BCAS3: variants seen among roughly 807,000 people sequenced by gnomAD.
The protein encoded by BCAS3 is BCAS4/BCAS3 fusion.
In BCAS3, 53 loss-of-function variants were observed where a neutral mutation model predicts 116.1. The ratio of observed to expected loss-of-function variants is 0.46; its 90% CI spans 0.37 to 0.57. The LOEUF (loss-of-function observed/expected upper bound fraction) is 0.57. Among genes scored for constraint, BCAS3 ranks in the 20% least tolerant of loss-of-function variants. The pLI is 0.00. For synonymous variants in BCAS3, 391 were observed against 408.2 expected (o/e 0.96, Z 0.51); for missense variants, 917 against 1,165.4 (o/e 0.79, Z 3.10).
At chr17:60,843,849 C>T (rs1437065414) in intron 7 of BCAS3, among the ~76,000 whole-genome samples, 1 of 152,060 alleles carries the variant, frequency 6.6e-6, no homozygotes, top group Non-Finnish European at 1.5e-5. Context: ...ATTTATTTTA[C>T]TCATTTATGT....
intron 4 of BCAS3, among the ~76,000 whole-genome samples, chr17:60,690,794 C>T (rs900942894): frequency 1.3e-5 from 2 of 151,426 alleles, no homozygotes; most frequent in Admixed American, 6.6e-5. Flanking sequence ...GTGGCACACT[C>T]CTGCAGCCCT....
rs1350411135 is a variant in BCAS3 at position 61,161,536 on chromosome 17, T to C, written c.2425+76972T>C. ...GGTTTAAGCAATATTTGATTGATCA[T>C]GTGATTCTATCAGTATCTTTTTTTT... On this transcript the variant is annotated intron_variant, in intron 22 of 23. Coordinates refer to ENST00000407086, the MANE Select transcript of BCAS3 (RefSeq NM_017679.5). This position sits in a 1 kb window ranked among gnomAD's most constrained non-coding sequence, Gnocchi z 4.8. Among the ~76,000 whole-genome samples, 1 of 152,248 alleles carries C rather than the reference T, an allele frequency of 6.6e-6. No homozygotes were observed. Among genetic ancestry groups the C allele is most frequent in the African/African-American group, 2.4e-5 (1 of 41,472 alleles).
chr17:61,352,633 C>T lies in BCAS3; in HGVS notation c.2426-15694C>T, dbSNP rs977994543. On this transcript the variant is annotated intron_variant, in intron 22 of 23. Transcript: ENST00000407086. This position sits in a 1 kb window ranked among gnomAD's most constrained non-coding sequence, Gnocchi z 4.7. ...GCGCCACACTTGGCACACAATGAGT[C>T]TGTGAGTTGAGGGGAAATCACAACC... 2.6e-5 allele frequency among the ~76,000 whole-genome samples: 4 copies of T among 152,176 alleles called. No homozygotes were observed. Among genetic ancestry groups the T allele is most frequent in the Middle Eastern group, 3.2e-3 (1 of 316 alleles).
At chr17:60,876,506 C>A (rs1385978104) in intron 9 of BCAS3, among the ~76,000 whole-genome samples, 1 of 152,074 alleles carries the variant, frequency 6.6e-6, no homozygotes, top group Non-Finnish European at 1.5e-5. Context: ...GATAACATTT[C>A]CCACTGTCTG....
Position 61,105,948 on chromosome 17 carries a change from C to T in BCAS3, c.2425+21384C>T, listed in dbSNP as rs140730824. Among the ~76,000 whole-genome samples, 1 of 152,152 alleles carries T rather than the reference C, an allele frequency of 6.6e-6. No individual in the cohort carries two copies. The highest frequency in any genetic ancestry group is 1.5e-5 in the Non-Finnish European group (1 of 68,042). The stretch of plus-strand genomic sequence containing the variant: ...GCCTTTCTGAGTAGCCTGGTGAAAT[C>T]TTACAGCATCCCTCCCAGACCGTGA... On this transcript the variant is annotated intron_variant, in intron 22 of 23. Transcript: ENST00000407086. This position sits in a 1 kb window ranked among gnomAD's most constrained non-coding sequence, Gnocchi z 4.3.
intron 14 of BCAS3, among the ~76,000 whole-genome samples, chr17:60,957,938 C>T (rs747473989): frequency 3.3e-5 from 5 of 152,132 alleles, no homozygotes; most frequent in Admixed American, 2.0e-4. Context: ...CTGGATTAAC[C>T]CTCCTACCTG....
Position 61,363,435 on chromosome 17 carries a change from C to A in BCAS3, c.2426-4892C>A, listed in dbSNP as rs554026789. 6.6e-6 allele frequency among the ~76,000 whole-genome samples: 1 copy of A among 152,026 alleles called. No individual in the cohort carries two copies. Among genetic ancestry groups the A allele is most frequent in the Non-Finnish European group, 1.5e-5 (1 of 68,014 alleles). ...GCAAGAATCCCCAGGAGATAGCCTG[C>A]GAAGACTGTTGCACTTACAACCAGA... is the stretch of plus-strand genomic sequence containing the variant. On this transcript the variant is annotated intron_variant, in intron 22 of 23. Transcript: ENST00000407086. The surrounding 1 kb of genome is among the most constrained non-coding windows in gnomAD (Gnocchi z 4.9).
At position 61,337,725 on chromosome 17, in the gene BCAS3, T is replaced by C. The variant is rs2056836421; in HGVS notation, c.2426-30602T>C. 2.6e-5 allele frequency among the ~76,000 whole-genome samples: 4 copies of C among 152,144 alleles called. No individual in the cohort carries two copies. In the South Asian group the frequency reaches 8.3e-4, roughly 31 times the overall value. On this transcript the variant is annotated intron_variant, in intron 22 of 23. Coordinates refer to ENST00000407086, the MANE Select transcript of BCAS3 (RefSeq NM_017679.5). The surrounding 1 kb of genome is among the most constrained non-coding windows in gnomAD (Gnocchi z 4.8). ...CCCTTAAAGGTCGTTTCTGATCTAC[T>C]CCCTCTCCTCTAGCCTTAAAGTGTC...
At chr17:60,859,970 A>G (rs1223976228) in intron 7 of BCAS3, among the ~76,000 whole-genome samples, 1 of 152,168 alleles carries the variant, frequency 6.6e-6, no homozygotes, top group African/African-American at 2.4e-5. Context: ...ATAGGAGTGC[A>G]TGTGTCTTTA....
chr17:60,900,198 A>AAAG lies in BCAS3; in HGVS notation c.739-2420_739-2419insGAA, dbSNP rs1555603093. ...AGACGCTGTCTCTTAAAAAAAAAAA[A>AAAG]AAAGAAAGAAAGAAAAGAAAAAGAA... is the stretch of plus-strand genomic sequence containing the variant. On this transcript the variant is annotated intron_variant, in intron 10 of 23. Transcript: ENST00000407086. 241 of 148,562 alleles carry AAAG rather than the reference A, an allele frequency of 1.6e-3. 2 individuals carry two copies. Among genetic ancestry groups the AAAG allele is most frequent in the African/African-American group, 5.3e-3 (207 of 38,750 alleles). The allele number at this position is 148,562 out of a possible 1,614,324, so 9.2% of individuals were successfully genotyped here.
chr17:60,727,457 C>T lies in BCAS3; in HGVS notation c.321+18132C>T. 2.6e-6 allele frequency: 4 copies of T among 1,562,992 alleles called. No homozygotes were observed. The South Asian group carries it at 3.6e-5, about 14-fold the overall frequency. On this transcript the variant is annotated intron_variant, in intron 5 of 23. Coordinates refer to ENST00000407086, the MANE Select transcript of BCAS3 (RefSeq NM_017679.5). ...CTTGCCACACTTCTTACAGAAGGTT[C>T]TTCGGGTTTTAGGTACGTTGACCAT...
intron 6 of BCAS3, among the ~76,000 whole-genome samples, chr17:60,764,451 T>G (rs1050620240): frequency 1.7e-4 from 26 of 152,280 alleles, no homozygotes; most frequent in African/African-American, 5.8e-4. Context: ...ATTTAGTTAT[T>G]TACCCAGTAG....
intron 22 of BCAS3, among the ~76,000 whole-genome samples, chr17:61,250,426 G>T (rs745582707): frequency 6.6e-6 from 1 of 152,200 alleles, no homozygotes; most frequent in African/African-American, 2.4e-5. Flanking sequence ...AGGACCCAGA[G>T]AAGGCTTGTT....
intron 21 of BCAS3, among the ~76,000 whole-genome samples, chr17:61,078,731 T>C (rs1184109990): frequency 6.6e-6 from 1 of 152,252 alleles, no homozygotes; most frequent in Non-Finnish European, 1.5e-5. Context: ...AATAAATACT[T>C]GCTTTTCAGA....
chr17:60,838,102 A>G (rs1325256543), intron 7 of BCAS3, among the ~76,000 whole-genome samples: 1 of 152,190 alleles, frequency 6.6e-6, no homozygotes, highest in African/African-American at 2.4e-5. Context: ...CAAATTGATC[A>G]CAGAATTGAT....
chr17:61,180,388 A>C lies in BCAS3; in HGVS notation c.2425+95824A>C, dbSNP rs2079409431. ...ACTATTCAGCCAACAAGCTGTAATA[A>C]ATAAACTCTAAGCCAATGTACTGTT... On this transcript the variant is annotated intron_variant, in intron 22 of 23. Transcript: ENST00000407086. The surrounding 1 kb of genome is among the most constrained non-coding windows in gnomAD (Gnocchi z 6.0). Among the ~76,000 whole-genome samples, 1 of 152,252 alleles carries C rather than the reference A, an allele frequency of 6.6e-6. No individual in the cohort carries two copies. The highest frequency in any genetic ancestry group is 1.5e-5 in the Non-Finnish European group (1 of 68,044).
intron 23 of BCAS3, among the ~76,000 whole-genome samples, chr17:61,384,183 C>T (rs1296716703): frequency 6.6e-6 from 1 of 152,224 alleles, no homozygotes; most frequent in Non-Finnish European, 1.5e-5. Flanking sequence ...CCTGCCATGC[C>T]CCTCGGCACT....
At chr17:61,245,845 T>G (rs974147046) in intron 22 of BCAS3, among the ~76,000 whole-genome samples, 1 of 152,208 alleles carries the variant, frequency 6.6e-6, no homozygotes, top group Non-Finnish European at 1.5e-5. Flanking sequence ...TGGAGGTACC[T>G]ACTGCCTAGT....
chr17:61,185,817 A>G (rs1267104869), intron 22 of BCAS3, among the ~76,000 whole-genome samples: 1 of 152,210 alleles, frequency 6.6e-6, no homozygotes, highest in African/African-American at 2.4e-5. Flanking sequence ...ATACAGTTAA[A>G]CATAGTTTAA....
Sources: gnomAD v4.1 joint callset for allele counts (sites outside exome capture counted in the v4.1 genomes callset) on GRCh38, gnomAD v4.1.1 for gene constraint, Gnocchi (gnomAD v3.1) non-coding constraint, MANE v1.5 for transcripts, NCBI Gene and HGNC (gene_info 2026-07-23, HGNC 2026-07-21) for gene names.